BSN: variants seen among roughly 807,000 people sequenced by gnomAD.
The protein encoded by BSN is bassoon presynaptic cytomatrix protein.
Under a neutral mutation model 264.8 loss-of-function variants are expected in BSN, and 57 were observed. That is an observed-to-expected ratio of 0.22 (90% CI 0.17 to 0.27). The LOEUF is 0.27. BSN is among the 10% of genes least tolerant of loss of function. The probability of loss-of-function intolerance (pLI) is 1.00; values close to 1 mark genes in which losing one functional copy is unlikely to be tolerated. For synonymous variants in BSN, 2,059 were observed against 2,137.3 expected, an observed-to-expected ratio of 0.96 and a Z score of 1.01; for missense variants, 4,615 against 5,232.5, an observed-to-expected ratio of 0.88 and a Z score of 3.64.
chr3:49,663,385 G>GCGCAGC lies in BSN; in HGVS notation c.11234_11239dup (p.Pro3745_Gln3746dup). The GCGCAGC allele has an allele frequency of 6.2e-7, 1 of 1,613,062 alleles. No homozygotes were observed. The highest frequency in any genetic ancestry group is 8.5e-7 in the Non-Finnish European group (1 of 1,179,988). On this transcript the variant is annotated inframe_insertion, in exon 7 of 12. Coordinates refer to ENST00000296452, the MANE Select transcript of BSN (RefSeq NM_003458.4). The stretch of plus-strand genomic sequence containing the variant: ...ACTGCAGTCAAAGGCAGAACCCCAG[G>GCGCAGC]CGCAGCCGCAGCTGCAAGGTCGGCA...
rs1178969681 is a variant in BSN at position 49,662,122 on chromosome 3, C to T, written c.10277C>T (p.Ser3426Phe). The T allele has an allele frequency of 1.2e-6, 2 of 1,613,522 alleles. No homozygotes were observed. Among genetic ancestry groups the T allele is most frequent in the East Asian group, 2.2e-5 (1 of 44,880 alleles). ...GAGCAGCAAAAATACTATGGGATGT[C>T]CAGCCGGGACGCAGTGGAGGACGAC... ...VYEQQKYYGM[S>F]SRDAVEDDRI... Residue 3426 changes from serine (S) to phenylalanine (F), a missense_variant, in exon 6 of 12, where the codon TCC (serine) becomes TTC (phenylalanine). By Grantham distance (155) the Ser-to-Phe change is radical. This residue lies in a region of BSN where 3,415 missense variants were observed against 3,866.4 expected (regional missense o/e 0.88). Transcript: ENST00000296452.
At position 49,554,823 on chromosome 3, in the gene BSN, G is replaced by A. The variant is rs2051652394; in HGVS notation, c.221G>A (p.Gly74Asp). 3.3e-6 allele frequency: 4 copies of A among 1,221,372 alleles called. No homozygotes were observed. Among genetic ancestry groups the A allele is most frequent in the Non-Finnish European group, 2.0e-6 (2 of 981,166 alleles). The allele number at this position is 1,221,372 out of a possible 1,614,324, so 75.7% of individuals were successfully genotyped here. The change falls in exon 1 of 12, where the codon GGC becomes GAC. Residue 74 changes from glycine (G) to aspartate (D), a missense_variant. By Grantham distance (94) the Gly-to-Asp change is moderately conservative. Around this residue, in one of 3 missense-constraint regions of BSN, gnomAD observed 1,197 missense variants for 1,348.0 expected, o/e 0.89. Coordinates refer to ENST00000296452, the MANE Select transcript of BSN (RefSeq NM_003458.4). ...GGCCCCGGTCCCGGCCCTGGCCCGGGCAGGTAAGCGCGTGTCTCGGCGCCC... is the reference window on the plus strand; with the variant it reads ...GGCCCCGGTCCCGGCCCTGGCCCGGACAGGTAAGCGCGTGTCTCGGCGCCC... The part of the protein sequence containing the change: ...GPGPGPGPGP[G>D]STSRRLDPKE...
intron 1 of BSN, among the ~76,000 whole-genome samples, chr3:49,608,023 A>C (rs539453087): frequency 1.3e-5 from 2 of 152,172 alleles, no homozygotes; most frequent in African/African-American, 2.4e-5. Context: ...GTATGGAGGG[A>C]TAGAGGTCCT....
intron 1 of BSN, among the ~76,000 whole-genome samples, chr3:49,575,469 T>C (rs1281350793): frequency 6.8e-6 from 1 of 147,854 alleles, no homozygotes; most frequent in Non-Finnish European, 1.5e-5. Context: ...TAAATATATA[T>C]ATGTGTATAT....
intron 1 of BSN, among the ~76,000 whole-genome samples, chr3:49,577,060 C>T (rs918885060): frequency 6.6e-6 from 1 of 152,174 alleles, no homozygotes; most frequent in Non-Finnish European, 1.5e-5. Context: ...TTCCAGGGCA[C>T]GATAGTGCTT....
At chr3:49,571,263 C>T (rs2051792948) in intron 1 of BSN, among the ~76,000 whole-genome samples, 1 of 151,964 alleles carries the variant, frequency 6.6e-6, no homozygotes, top group Admixed American at 6.6e-5. Context: ...TCCAAGCATC[C>T]CACAGCAAGT....
chr3:49,648,817 C>T (rs1159889914), intron 3 of BSN, among the ~76,000 whole-genome samples: 1 of 152,220 alleles, frequency 6.6e-6, no homozygotes, highest in African/African-American at 2.4e-5. Flanking sequence ...GTGCAGAGAA[C>T]AGAGTGAGTA....
At chr3:49,608,738 G>A (rs2052179261) in intron 1 of BSN, among the ~76,000 whole-genome samples, 1 of 151,744 alleles carries the variant, frequency 6.6e-6, no homozygotes, top group Admixed American at 6.6e-5. Flanking sequence ...TGAGGCAGGA[G>A]AATTGCTTGA....
intron 10 of BSN, 118 bp downstream of exon 10, chr3:49,664,971 C>A: frequency 1.3e-6 from 1 of 765,790 alleles, no homozygotes; most frequent in Non-Finnish European, 2.2e-6. Flanking sequence ...TCGGCTGGTT[C>A]AGTACCCAGA....
chr3:49,556,478 C>T (rs998724066), intron 1 of BSN, among the ~76,000 whole-genome samples: 10 of 152,188 alleles, frequency 6.6e-5, no homozygotes, highest in East Asian at 3.8e-4. Flanking sequence ...CCACGGACTC[C>T]TGATGGATTT....
At position 49,653,578 on chromosome 3, in the gene BSN, G is replaced by A. The variant is rs756599405; in HGVS notation, c.4022G>A (p.Arg1341His). 8 of 1,613,580 alleles carry A rather than the reference G, an allele frequency of 5.0e-6. No homozygotes were observed. In the Admixed American group the frequency reaches 6.7e-5, roughly 13 times the overall value. Reference sequence around the variant, plus strand: ...GGGGGCCGAGTTATTCCCGATGTCCGTGTCACTCAGCATTTTGCAAAGGAG... The same window carrying A: ...GGGGGCCGAGTTATTCCCGATGTCCATGTCACTCAGCATTTTGCAAAGGAG... ...SSGGRVIPDV[R>H]VTQHFAKETQ... is the part of the protein sequence containing the mutation. The change falls in exon 5 of 12, where the codon CGT becomes CAT. Residue 1341 changes from arginine (R) to histidine (H), a missense_variant. Transcript: ENST00000296452. This position sits in a 1 kb window ranked among gnomAD's most constrained non-coding sequence, Gnocchi z 6.3.
chr3:49,663,115 C>T lies in BSN; in HGVS notation c.10957C>T (p.His3653Tyr), dbSNP rs1279194392. 3 of 1,611,348 alleles carry T rather than the reference C, an allele frequency of 1.9e-6. No individual in the cohort carries two copies. The highest frequency in any genetic ancestry group is 1.1e-5 in the South Asian group (1 of 91,032). The change falls in exon 7 of 12, where the codon CAC becomes TAC. Residue 3653 changes from histidine to tyrosine, a missense_variant. This residue lies in a region of BSN where 3,415 missense variants were observed against 3,866.4 expected (regional missense o/e 0.88). Coordinates refer to ENST00000296452, the MANE Select transcript of BSN (RefSeq NM_003458.4). The part of the protein sequence containing the change: ...KEHRHGDHGR[H>Y]SGRHTGEEPG... Reference sequence around the variant, plus strand: ...ACACCGGCACGGTGACCACGGGCGGCACTCAGGCCGCCACACTGGTGAGGA... The same window carrying T: ...ACACCGGCACGGTGACCACGGGCGGTACTCAGGCCGCCACACTGGTGAGGA...
rs1213071490 is a variant in BSN, at chr3:49,659,991, T to C, written c.8641-495T>C. The stretch of plus-strand genomic sequence containing the variant: ...TGCCACGATTGGCATACAATCTACA[T>C]GTGTCCCTTCCCATGATCCTCTAGG... On this transcript the variant is annotated intron_variant, in intron 5 of 11. Transcript: ENST00000296452. Among the ~76,000 whole-genome samples, 3 of 152,080 alleles carry C rather than the reference T, an allele frequency of 2.0e-5. No homozygotes were observed. In the East Asian group the frequency reaches 5.8e-4, roughly 29 times the overall value.
rs2052438121 is a variant in BSN, at chr3:49,638,679, T to C, written c.634-3589T>C. On this transcript the variant is annotated intron_variant, in intron 2 of 11. Coordinates refer to ENST00000296452, the MANE Select transcript of BSN (RefSeq NM_003458.4). The surrounding 1 kb of genome is among the most constrained non-coding windows in gnomAD (Gnocchi z 4.3). The stretch of plus-strand genomic sequence containing the variant: ...GCCTTTTCTTGGAGAAGTTCTATTT[T>C]AGGTGAGATGCCTGTGCCACAGCCT... 1.3e-5 allele frequency among the ~76,000 whole-genome samples: 2 copies of C among 152,192 alleles called. No homozygotes were observed. Among genetic ancestry groups the C allele is most frequent in the Admixed American group, 1.3e-4 (2 of 15,272 alleles).
At chr3:49,649,929 C>T (rs1424036048) in intron 3 of BSN, among the ~76,000 whole-genome samples, 1 of 152,226 alleles carries the variant, frequency 6.6e-6, no homozygotes, top group Non-Finnish European at 1.5e-5. Context: ...GTCCAGAGCC[C>T]TGGGGGCAGG....
chr3:49,639,965 G>A (rs543525328), intron 2 of BSN, among the ~76,000 whole-genome samples: 10 of 152,230 alleles, frequency 6.6e-5, no homozygotes, highest in Non-Finnish European at 1.5e-4. Context: ...TAAGGCACCT[G>A]AGCCCAGGTC....
chr3:49,669,477 C>T lies in BSN; in HGVS notation c.*1992C>T, dbSNP rs376171375. 9.8e-5 allele frequency: 15 copies of T among 152,734 alleles called. No individual in the cohort carries two copies. Among genetic ancestry groups the T allele is most frequent in the Non-Finnish European group, 1.5e-4 (10 of 68,130 alleles). The allele number at this position is 152,734 out of a possible 1,614,324, so 9.5% of individuals were successfully genotyped here. On this transcript the variant is annotated 3_prime_UTR_variant, in exon 12 of 12. Coordinates refer to ENST00000296452, the MANE Select transcript of BSN (RefSeq NM_003458.4). ...GACAGCCCTTTCCCAGAGGGCACCA[C>T]GCAAGGGCAGAGCTGGGCGGCATCC...
At chr3:49,561,800 G>A (rs2051713398) in intron 1 of BSN, among the ~76,000 whole-genome samples, 3 of 151,860 alleles carry the variant, frequency 2.0e-5, no homozygotes, top group Admixed American at 2.0e-4. Flanking sequence ...TCTTGTTGTT[G>A]TTATTTTTTC....
chr3:49,661,686 C>T lies in BSN; in HGVS notation c.9841C>T (p.Pro3281Ser), dbSNP rs1233278204. The change falls in exon 6 of 12, where the codon CCC becomes TCC. Residue 3281 changes from proline to serine, a missense_variant. This residue lies in a region of BSN where 3,415 missense variants were observed against 3,866.4 expected (regional missense o/e 0.88). Transcript: ENST00000296452. ...AGGTGTCCTTGACGGGCCCACACTG[C>T]CCTGCTGCTATGCCAGAGGAGAAGA... ...EPGVLDGPTL[P>S]CCYARGEEES... 6.2e-7 allele frequency: 1 copy of T among 1,613,750 alleles called. No homozygotes were observed. Among genetic ancestry groups the T allele is most frequent in the South Asian group, 1.1e-5 (1 of 91,090 alleles).
Sources: gnomAD v4.1 joint callset for allele counts (sites outside exome capture counted in the v4.1 genomes callset) on GRCh38, gnomAD v4.1.1 for gene constraint, gnomAD v4.1.1 regional missense constraint, Gnocchi (gnomAD v3.1) non-coding constraint, MANE v1.5 for transcripts, NCBI Gene and HGNC (gene_info 2026-07-23, HGNC 2026-07-21) for gene names.